MAP3K13: variants seen among roughly 807,000 people sequenced by gnomAD.
The protein encoded by MAP3K13 is mitogen-activated protein kinase kinase kinase 13, also known as leucine zipper-bearing kinase.
A neutral mutation model predicts 104.0 loss-of-function variants in MAP3K13; 52 were observed. That is an observed-to-expected ratio of 0.50 (90% CI 0.40 to 0.63). MAP3K13 has a LOEUF of 0.63. MAP3K13 is among the 20% of genes least tolerant of loss of function. MAP3K13 has a pLI of 0.00. For synonymous variants in MAP3K13, 394 were observed against 442.2 expected (o/e 0.89, Z 1.37); for missense variants, 914 against 1,218.5 (o/e 0.75, Z 3.72).
chr3:185,309,974 G>A (rs1302194171), intron 2 of MAP3K13, among the ~76,000 whole-genome samples: 3 of 152,194 alleles, frequency 2.0e-5, no homozygotes, highest in Admixed American at 2.0e-4. Context: ...AATGAGTTCT[G>A]TTAATAGACT....
intron 2 of MAP3K13, among the ~76,000 whole-genome samples, chr3:185,339,415 C>A (rs1381287713): frequency 6.6e-6 from 1 of 152,228 alleles, no homozygotes; most frequent in Admixed American, 6.5e-5. Flanking sequence ...GTTCTGCAGA[C>A]CAGCAGCATC....
chr3:185,389,207 A>C (rs1197819210), intron 1 of MAP3K13, among the ~76,000 whole-genome samples: 2 of 152,196 alleles, frequency 1.3e-5, no homozygotes, highest in African/African-American at 4.8e-5. Context: ...TGTCTTGCCT[A>C]ATCATAGCCT....
intron 1 of MAP3K13, among the ~76,000 whole-genome samples, chr3:185,400,913 T>TG (rs1277229889): frequency 1.3e-5 from 2 of 150,290 alleles, no homozygotes; most frequent in African/African-American, 4.9e-5. Context: ...TTGTTTTTTT[T>TG]TTTTTTTTTG....
At chr3:185,367,973 A>G (rs569577736) in intron 1 of MAP3K13, among the ~76,000 whole-genome samples, 2 of 152,308 alleles carry the variant, frequency 1.3e-5, no homozygotes, top group East Asian at 3.9e-4. Flanking sequence ...CCTGGGCAAC[A>G]TGGCAAAACC....
At chr3:185,454,324 G>GATATATATATC (rs1716121975) in intron 7 of MAP3K13, among the ~76,000 whole-genome samples, 1 of 93,604 alleles carries the variant, frequency 1.1e-5, no homozygotes, top group African/African-American at 4.7e-5. Context: ...AGATATATAT[G>GATATATATATC]AGATATATAT....
In MAP3K13 at chr3:185,315,596, A is replaced by G. The variant is rs1721646092; in HGVS notation, c.-86+29953A>G. Reference sequence around the variant, plus strand: ...CAAATATCCCTTTCCTTCAAGTATCATTCCTTTGGGAATGGCTTCCAAAGA... The same window carrying G: ...CAAATATCCCTTTCCTTCAAGTATCGTTCCTTTGGGAATGGCTTCCAAAGA... On this transcript the variant is annotated intron_variant, in intron 2 of 14. Coordinates refer to the MAP3K13 transcript ENST00000424227. This position sits in a 1 kb window ranked among gnomAD's most constrained non-coding sequence, Gnocchi z 4.3. Among the ~76,000 whole-genome samples the G allele has an allele frequency of 6.6e-6, 1 of 152,228 alleles. No homozygotes were observed. Among genetic ancestry groups the G allele is most frequent in the South Asian group, 2.1e-4 (1 of 4,834 alleles).
At chr3:185,464,843 A>T (rs1577605869) in intron 8 of MAP3K13, among the ~76,000 whole-genome samples, 2 of 152,178 alleles carry the variant, frequency 1.3e-5, no homozygotes, top group East Asian at 3.9e-4. Flanking sequence ...GTGAGGGCCC[A>T]TTCTTCATAG....
At chr3:185,359,069 G>A (rs7645959), upstream of MAP3K13, among the ~76,000 whole-genome samples, 109,930 of 152,062 alleles carry the variant, frequency 0.72, 42,187 homozygotes, top group Non-Finnish European at 0.86. Context: ...TGATAAAAAC[G>A]TACCTGAGAC....
intron 1 of MAP3K13, among the ~76,000 whole-genome samples, chr3:185,283,293 G>T (rs1306308845): frequency 6.6e-6 from 1 of 152,074 alleles, no homozygotes; most frequent in African/African-American, 2.4e-5. Flanking sequence ...TGGGGGTCAT[G>T]GGTTTCCGAT....
rs1234078929 is a variant in MAP3K13, at chr3:185,418,590, A to G, written c.-85-9907A>G. On this transcript the variant is annotated intron_variant, in intron 1 of 13. Transcript: ENST00000265026. The surrounding 1 kb of genome is among the most constrained non-coding windows in gnomAD (Gnocchi z 4.5). Reference sequence around the variant, plus strand: ...CTCTGCCAGTACCCCAAGACTCAGCACTGGTCTGATGACCTGCTAATTCAC... The same window carrying G: ...CTCTGCCAGTACCCCAAGACTCAGCGCTGGTCTGATGACCTGCTAATTCAC... 12 of 1,612,238 alleles carry G rather than the reference A, an allele frequency of 7.4e-6. No homozygotes were observed. In the Admixed American group the frequency reaches 1.8e-4, roughly 25 times the overall value.
intron 1 of MAP3K13, among the ~76,000 whole-genome samples, chr3:185,376,965 G>T (rs1309727899): frequency 6.6e-6 from 1 of 152,142 alleles, no homozygotes; most frequent in African/African-American, 2.4e-5. Context: ...CCAAGTGAAA[G>T]CAAAGAGAGG....
Position 185,450,055 on chromosome 3 carries a change from C to T in MAP3K13, c.1166C>T (p.Thr389Met), listed in dbSNP as rs761292466. The change falls in exon 6 of 14, where the codon ACG (threonine) becomes ATG (methionine). Residue 389 changes from threonine to methionine, a missense_variant. By Grantham distance (81) the Thr-to-Met change is moderately conservative. This residue lies in a region of MAP3K13 where 175 missense variants were observed against 321.3 expected (regional missense o/e 0.54). Transcript: ENST00000265026. The surrounding 1 kb of genome is among the most constrained non-coding windows in gnomAD (Gnocchi z 4.2). ...GGATTCAAAATCCTTATGAAACAGA[C>T]GTGGTAAGAATATTGTCTCTAAAAC... ...PDGFKILMKQ[T>M]WQSKPRNRPS... 20 of 1,607,356 alleles carry T rather than the reference C, an allele frequency of 1.2e-5. No homozygotes were observed. Among genetic ancestry groups the T allele is most frequent in the South Asian group, 2.2e-5 (2 of 89,912 alleles).
intron 1 of MAP3K13, among the ~76,000 whole-genome samples, chr3:185,373,923 G>A (rs1410896734): frequency 1.3e-5 from 2 of 150,540 alleles, no homozygotes; most frequent in Non-Finnish European, 2.9e-5. Context: ...AAGGGTGGTG[G>A]GATTATCATT....
rs1374061623 is a variant in MAP3K13, at chr3:185,487,645, A to G, written c.*5189A>G. On this transcript the variant is annotated 3_prime_UTR_variant, in exon 14 of 14. Coordinates refer to ENST00000265026, the MANE Select transcript of MAP3K13 (RefSeq NM_004721.5). Reference sequence around the variant, plus strand: ...TTCCTGGAACTGAATTCTCCAGAACATAATATTTATAATCCATAGAATTCC... The same window carrying G: ...TTCCTGGAACTGAATTCTCCAGAACGTAATATTTATAATCCATAGAATTCC... 1 of 152,122 alleles carries G rather than the reference A, an allele frequency of 6.6e-6. No homozygotes were observed. Among genetic ancestry groups the G allele is most frequent in the Non-Finnish European group, 1.5e-5 (1 of 68,026 alleles). 9.4% of individuals were successfully genotyped at this position (152,122 alleles called of 1,614,324 possible). A position where few individuals can be genotyped will look rare whatever the true frequency, so the allele number is the denominator to read the frequency against.
chr3:185,347,707 G>A (rs939072896), intron 2 of MAP3K13, among the ~76,000 whole-genome samples: 4 of 152,064 alleles, frequency 2.6e-5, no homozygotes, highest in Non-Finnish European at 2.9e-5. Context: ...TAATGGAGGC[G>A]ATTTCAGAAA....
chr3:185,419,284 G>A (rs185472458), intron 1 of MAP3K13, among the ~76,000 whole-genome samples: 34 of 152,338 alleles, frequency 2.2e-4, no homozygotes, highest in Admixed American at 9.1e-4. Flanking sequence ...TTACAGGCGT[G>A]AGCCAGCACA....
At chr3:185,463,756 C>G (rs1056046404) in intron 8 of MAP3K13, 97 bp downstream of exon 8, 1 of 656,132 alleles carries the variant, frequency 1.5e-6, no homozygotes, top group Non-Finnish European at 2.7e-6. Context: ...TTCCACACAC[C>G]TTTCACCTCT....
chr3:185,285,365 T>C (rs1183707683), intron 1 of MAP3K13: 4 of 346,378 alleles, frequency 1.2e-5, no homozygotes, highest in African/African-American at 2.1e-5. Flanking sequence ...TTTTGCTACC[T>C]CAGTCTCCTG....
At chr3:185,358,310 G>A (rs1723464960), upstream of MAP3K13, among the ~76,000 whole-genome samples, 1 of 152,094 alleles carries the variant, frequency 6.6e-6, no homozygotes, top group Non-Finnish European at 1.5e-5. Flanking sequence ...AATTCTTCAA[G>A]AACAGAAAAT....
Sources: allele counts gnomAD v4.1 joint callset (sites outside exome capture counted in the v4.1 genomes callset), GRCh38; gene constraint gnomAD v4.1.1; regional missense constraint gnomAD v4.1.1; non-coding constraint Gnocchi (gnomAD v3.1); transcripts MANE v1.5; gene names NCBI Gene and HGNC (gene_info 2026-07-23, HGNC 2026-07-21).